CFAP61: variants seen among roughly 807,000 people sequenced by gnomAD.
The protein encoded by CFAP61 is cilia- and flagella-associated protein 61.
A neutral mutation model predicts 135.6 loss-of-function variants in CFAP61; 107 were observed. That is an observed-to-expected ratio of 0.79 (90% CI 0.67 to 0.93). The LOEUF is 0.93. Ranked by LOEUF, CFAP61 falls within the 40% of genes least tolerant of loss-of-function variation. The probability of loss-of-function intolerance (pLI) is 0.00; values close to 1 mark genes in which losing one functional copy is unlikely to be tolerated. For missense variants in CFAP61, 1,507 were observed against 1,556.2 expected (o/e 0.97, Z 0.53); for synonymous variants, 575 against 578.5 (o/e 0.99, Z 0.09).
intron 25 of CFAP61, among the ~76,000 whole-genome samples, chr20:20,334,332 G>C (rs2058099408): frequency 6.6e-6 from 1 of 152,100 alleles, no homozygotes; most frequent in Non-Finnish European, 1.5e-5. Flanking sequence ...TCGCCATCTT[G>C]GCCAGGCTGG....
chr20:20,124,173 C>A (rs58910532), intron 8 of CFAP61, among the ~76,000 whole-genome samples: 15,015 of 151,356 alleles, frequency 0.099, 1,649 homozygotes, highest in East Asian at 0.6. Context: ...AAACAATCAT[C>A]TCATTGGTAA....
intron 19 of CFAP61, among the ~76,000 whole-genome samples, chr20:20,246,802 A>T (rs2050491617): frequency 6.6e-6 from 1 of 152,144 alleles, no homozygotes; most frequent in African/African-American, 2.4e-5. Flanking sequence ...CAAGCTCCTA[A>T]TTTTTCCAAT....
chr20:20,160,594 C>T (rs981968210), intron 10 of CFAP61, among the ~76,000 whole-genome samples: 5 of 152,182 alleles, frequency 3.3e-5, no homozygotes, highest in Admixed American at 2.6e-4. Context: ...TCTCCCCACT[C>T]CCAGCTAATT....
intron 24 of CFAP61, among the ~76,000 whole-genome samples, chr20:20,292,230 C>T (rs1438346247): frequency 6.6e-6 from 1 of 152,228 alleles, no homozygotes; most frequent in African/African-American, 2.4e-5. Context: ...AAACAGGTAG[C>T]CAGTAAGTGG....
At chr20:20,067,086 T>C (rs2045327988) in intron 2 of CFAP61, among the ~76,000 whole-genome samples, 1 of 151,570 alleles carries the variant, frequency 6.6e-6, no homozygotes, top group African/African-American at 2.4e-5. Context: ...TTATAACATC[T>C]GACTCTTAAA....
At chr20:20,235,583 A>G (rs1601550842) in intron 18 of CFAP61, among the ~76,000 whole-genome samples, 1 of 151,538 alleles carries the variant, frequency 6.6e-6, no homozygotes, top group Admixed American at 6.6e-5. Flanking sequence ...GGCATCATAC[A>G]CCCTCAGCTG....
chr20:20,275,636 A>G (rs1299584332), intron 21 of CFAP61, among the ~76,000 whole-genome samples: 1 of 152,228 alleles, frequency 6.6e-6, no homozygotes, highest in Non-Finnish European at 1.5e-5. Flanking sequence ...ATCATGAAAG[A>G]GACCAGAAAA....
intron 25 of CFAP61, among the ~76,000 whole-genome samples, chr20:20,330,398 C>T (rs533087038): frequency 6.6e-6 from 1 of 152,014 alleles, no homozygotes; most frequent in South Asian, 2.1e-4. Context: ...GTGCATGGCG[C>T]CATCTCAGCT....
chr20:20,266,147 C>T (rs1346943632), intron 21 of CFAP61, among the ~76,000 whole-genome samples: 1 of 152,234 alleles, frequency 6.6e-6, no homozygotes, highest in African/African-American at 2.4e-5. Context: ...ATACATTTAG[C>T]TGGGAGGGCA....
intron 22 of CFAP61, among the ~76,000 whole-genome samples, chr20:20,282,938 CAAAA>C (rs34218302): frequency 4.4e-5 from 6 of 137,228 alleles, no homozygotes; most frequent in South Asian, 2.4e-4. Context: ...GACCCTGTCT[CAAAA>C]AAAAAAAAAA....
chr20:20,172,509 G>C (rs1006427873), intron 13 of CFAP61, among the ~76,000 whole-genome samples: 1 of 151,840 alleles, frequency 6.6e-6, no homozygotes. Context: ...GTACAGACAG[G>C]GTTTCATCAT....
At chr20:20,066,769 T>C (rs376969041) in intron 2 of CFAP61, among the ~76,000 whole-genome samples, 1 of 152,132 alleles carries the variant, frequency 6.6e-6, no homozygotes, top group Non-Finnish European at 1.5e-5. Flanking sequence ...CACGTGTATA[T>C]GTAACAAACC....
intron 2 of CFAP61, 30 bp downstream of exon 2, chr20:20,056,826 C>T: frequency 6.2e-7 from 1 of 1,610,516 alleles, no homozygotes; most frequent in Admixed American, 1.7e-5. Flanking sequence ...CAAGAATGTT[C>T]ATCAATTTTG....
chr20:20,215,514 T>C (rs1601445486), intron 17 of CFAP61, among the ~76,000 whole-genome samples: 1 of 152,180 alleles, frequency 6.6e-6, no homozygotes, highest in Admixed American at 6.5e-5. Flanking sequence ...AAGGAATAAG[T>C]AGTAGGGACA....
At chr20:20,298,540 A>G (rs2055820557) in intron 25 of CFAP61, among the ~76,000 whole-genome samples, 154 bp downstream of exon 25, 1 of 152,202 alleles carries the variant, frequency 6.6e-6, no homozygotes, top group South Asian at 2.1e-4. Context: ...AGAACACCTG[A>G]CGCTAATGTG....
intron 25 of CFAP61, among the ~76,000 whole-genome samples, chr20:20,336,787 C>G (rs914806717): frequency 9.2e-5 from 14 of 152,274 alleles, no homozygotes; most frequent in African/African-American, 3.4e-4. Flanking sequence ...GTCAAGAGGG[C>G]CACAGTGCCA....
chr20:20,184,202 ACT>A (rs1480148343), intron 13 of CFAP61, among the ~76,000 whole-genome samples: 2 of 152,074 alleles, frequency 1.3e-5, no homozygotes, highest in Non-Finnish European at 2.9e-5. Flanking sequence ...ATCCAACAAC[ACT>A]CTTTATAACT....
intron 20 of CFAP61, among the ~76,000 whole-genome samples, chr20:20,252,565 C>A (rs989199133): frequency 2.6e-5 from 4 of 151,036 alleles, no homozygotes; most frequent in African/African-American, 7.3e-5. Flanking sequence ...AGTTTTTTTT[C>A]TTCAGCTTAT....
At chr20:20,304,553 C>G (rs868447521) in intron 25 of CFAP61, among the ~76,000 whole-genome samples, 1 of 151,022 alleles carries the variant, frequency 6.6e-6, no homozygotes, top group African/African-American at 2.4e-5. Context: ...ACACGGCACT[C>G]ACAATGTACA....
Sources: allele counts gnomAD v4.1 joint callset (sites outside exome capture counted in the v4.1 genomes callset), GRCh38; gene constraint gnomAD v4.1.1; transcripts MANE v1.5; gene names NCBI Gene and HGNC (gene_info 2026-07-23, HGNC 2026-07-21).